Variants in PIK3R5 observed in about 807,000 individuals in gnomAD.
The protein encoded by PIK3R5 is phosphoinositide 3-kinase regulatory subunit 5.
PIK3R5 carries 32 observed loss-of-function variants against 94.9 expected under a neutral mutation model. The observed-to-expected ratio is 0.34, with a 90% CI of 0.25 to 0.45. The LOEUF (loss-of-function observed/expected upper bound fraction) is 0.45. Among genes scored for constraint, PIK3R5 ranks in the 20% least tolerant of loss-of-function variants. The probability of loss-of-function intolerance (pLI) is 1.00; values close to 1 mark genes in which losing one functional copy is unlikely to be tolerated. For missense variants in PIK3R5, 853 were observed against 1,144.6 expected, an observed-to-expected ratio of 0.75 and a Z score of 3.68; for synonymous variants, 443 against 479.4, an observed-to-expected ratio of 0.92 and a Z score of 0.99.
At chr17:8,922,782 G>A (rs914751401) in intron 1 of PIK3R5, among the ~76,000 whole-genome samples, 8 of 152,062 alleles carry the variant, frequency 5.3e-5, no homozygotes, top group African/African-American at 7.2e-5. Context: ...CAGCAGTGAC[G>A]GTAGCTAGTG....
At chr17:8,886,960 A>G in intron 12 of PIK3R5, 136 bp downstream of exon 12, 1 of 1,013,366 alleles carries the variant, frequency 9.9e-7, no homozygotes, top group Non-Finnish European at 1.4e-6. Context: ...TCTCACCCAC[A>G]CTCCCTGATC....
At chr17:8,899,770 T>A (rs2090236782) in intron 5 of PIK3R5, among the ~76,000 whole-genome samples, 1 of 152,188 alleles carries the variant, frequency 6.6e-6, no homozygotes, top group African/African-American at 2.4e-5. Flanking sequence ...CTGGGCGCGG[T>A]GGCTCATGCT....
chr17:8,880,286 A>G lies in PIK3R5; in HGVS notation c.*353T>C. 5.1e-6 allele frequency: 1 copy of G among 195,794 alleles called. No individual in the cohort carries two copies. The highest frequency in any genetic ancestry group is 1.0e-5 in the Non-Finnish European group (1 of 97,666). 12.1% of individuals were successfully genotyped at this position (195,794 alleles called of 1,614,324 possible). On this transcript the variant is annotated 3_prime_UTR_variant, in exon 19 of 19. Transcript: ENST00000447110. ...TAGGCTCAGCCAAGGTTGAGAGAAAAGGCCCAAGCCATCCCCCTGAGCACC... is the reference window on the plus strand; with the variant it reads ...TAGGCTCAGCCAAGGTTGAGAGAAAGGGCCCAAGCCATCCCCCTGAGCACC...
At chr17:8,933,036 T>C (rs78608853) in intron 1 of PIK3R5, among the ~76,000 whole-genome samples, 1 of 152,230 alleles carries the variant, frequency 6.6e-6, no homozygotes, top group African/African-American at 2.4e-5. Flanking sequence ...CGAGAAAAAC[T>C]ACTGACTTCT....
intron 4 of PIK3R5, among the ~76,000 whole-genome samples, chr17:8,905,394 A>G (rs1451663064): frequency 7.9e-6 from 1 of 127,352 alleles, no homozygotes; most frequent in Non-Finnish European, 1.7e-5. Context: ...TGAGGTGGAC[A>G]TAGAATATCT....
intron 1 of PIK3R5, among the ~76,000 whole-genome samples, chr17:8,964,032 G>A (rs72807992): frequency 0.079 from 11,985 of 152,148 alleles, 610 homozygotes; most frequent in Middle Eastern, 0.12. Context: ...GGAAGCCAGC[G>A]TTCTACAAAC....
intron 1 of PIK3R5, among the ~76,000 whole-genome samples, chr17:8,933,795 G>T (rs1863551314): frequency 6.6e-6 from 1 of 152,074 alleles, no homozygotes; most frequent in South Asian, 2.1e-4. Context: ...GAAAGTCATT[G>T]TACTGAAAGT....
intron 1 of PIK3R5, among the ~76,000 whole-genome samples, chr17:8,918,799 G>C (rs1459892846): frequency 2.0e-5 from 3 of 152,184 alleles, no homozygotes; most frequent in Non-Finnish European, 4.4e-5. Flanking sequence ...TTAACCATAT[G>C]ATCAAGGTTA....
chr17:8,894,698 A>T (rs1370902659), intron 5 of PIK3R5, among the ~76,000 whole-genome samples: 2 of 152,196 alleles, frequency 1.3e-5, no homozygotes, highest in Non-Finnish European at 2.9e-5. Context: ...GAGATGAAAC[A>T]GAAAGCGGGA....
chr17:8,896,897 C>G lies in PIK3R5; in HGVS notation c.413-3242G>C, dbSNP rs2090163222. Among the ~76,000 whole-genome samples the G allele has an allele frequency of 6.6e-6, 1 of 152,190 alleles. No homozygotes were observed. The highest frequency in any genetic ancestry group is 2.1e-4 in the South Asian group (1 of 4,828). ...AACAGGGTGGAAGCAGAGCCCGGCC[C>G]CAACGGCATTGCAATCTCCAAATGA... On this transcript the variant is annotated intron_variant, in intron 5 of 18. Transcript: ENST00000447110. The surrounding 1 kb of genome is among the most constrained non-coding windows in gnomAD (Gnocchi z 4.0).
chr17:8,899,281 A>G (rs1436739460), intron 5 of PIK3R5, among the ~76,000 whole-genome samples: 1 of 152,176 alleles, frequency 6.6e-6, no homozygotes, highest in Non-Finnish European at 1.5e-5. Flanking sequence ...CAGCCACATC[A>G]AAGCAGGATA....
At chr17:8,942,425 C>T (rs941882893) in intron 1 of PIK3R5, among the ~76,000 whole-genome samples, 2 of 152,128 alleles carry the variant, frequency 1.3e-5, no homozygotes, top group African/African-American at 4.8e-5. Flanking sequence ...TCACCCATTC[C>T]TGCCACCTCA....
Position 8,880,794 on chromosome 17 carries a change from G to T in PIK3R5, c.2496-8C>A, listed in dbSNP as rs1445704506. On this transcript the variant is annotated splice_polypyrimidine_tract_variant and splice_region_variant and intron_variant, in intron 18 of 18. Transcript: ENST00000447110. ...CACGGTGAGACCTCACATCTGTGCA[G>T]CAGGGCAGGGGCCAGGGATCAGAGC... The T allele has an allele frequency of 6.2e-7, 1 of 1,613,048 alleles. No individual in the cohort carries two copies. Among genetic ancestry groups the T allele is most frequent in the Non-Finnish European group, 8.5e-7 (1 of 1,179,294 alleles).
Position 8,927,252 on chromosome 17 carries a change from T to C in PIK3R5, c.-13-15745A>G, listed in dbSNP as rs546291145. Reference sequence around the variant, plus strand: ...GGCAACTTAGCAAGACAGACACTTTTAGACAATACCTGCTCTATTCCAGCC... The same window carrying C: ...GGCAACTTAGCAAGACAGACACTTTCAGACAATACCTGCTCTATTCCAGCC... On this transcript the variant is annotated intron_variant, in intron 1 of 18. Coordinates refer to ENST00000447110, the MANE Select transcript of PIK3R5 (RefSeq NM_001142633.3). 2.0e-5 allele frequency among the ~76,000 whole-genome samples: 3 copies of C among 152,342 alleles called. No individual in the cohort carries two copies. The South Asian group carries it at 6.2e-4, about 32-fold the overall frequency.
At chr17:8,939,670 T>C (rs919339062) in intron 1 of PIK3R5, among the ~76,000 whole-genome samples, 5 of 152,188 alleles carry the variant, frequency 3.3e-5, no homozygotes, top group Non-Finnish European at 7.4e-5. Flanking sequence ...TACGTTCAAA[T>C]GCGAACTTCA....
At chr17:8,927,921 C>A (rs911373553) in intron 1 of PIK3R5, among the ~76,000 whole-genome samples, 7 of 152,160 alleles carry the variant, frequency 4.6e-5, no homozygotes, top group Non-Finnish European at 1.0e-4. Context: ...ACCCAGTTTC[C>A]CACCATGTGA....
rs201299435 is a variant in PIK3R5 at position 8,881,806 on chromosome 17, G to C, written c.2281C>G (p.Arg761Gly). Residue 761 changes from arginine (R) to glycine (G), a missense_variant, in exon 16 of 19, where the codon CGG (arginine) becomes GGG (glycine). Transcript: ENST00000447110. This position sits in a 1 kb window ranked among gnomAD's most constrained non-coding sequence, Gnocchi z 4.8. ...CACTCACCCAGCTCCTCCTGCTTCC[G>C]GCAGGCCTTGTTGAGGTTCACGGAG... ...CTSVNLNKACRKQEELDSSME... is the reference protein window; with the variant it reads ...CTSVNLNKACGKQEELDSSME... 6.2e-7 allele frequency: 1 copy of C among 1,614,014 alleles called. No individual in the cohort carries two copies. Among genetic ancestry groups the C allele is most frequent in the South Asian group, 1.1e-5 (1 of 91,058 alleles).
chr17:8,883,480 C>G (rs61761121), intron 15 of PIK3R5, among the ~76,000 whole-genome samples: 122 of 152,380 alleles, frequency 8.0e-4, no homozygotes, highest in African/African-American at 2.9e-3. Flanking sequence ...CCAGCTGTCT[C>G]TGCTCCAGCC....
chr17:8,946,053 C>T (rs959672076), intron 1 of PIK3R5, among the ~76,000 whole-genome samples: 15 of 152,214 alleles, frequency 9.9e-5, no homozygotes, highest in African/African-American at 3.1e-4. Context: ...TCACTGAACA[C>T]AGGCAAGTCA....
Sources: gnomAD v4.1 joint callset for allele counts (sites outside exome capture counted in the v4.1 genomes callset) on GRCh38, gnomAD v4.1.1 for gene constraint, Gnocchi (gnomAD v3.1) non-coding constraint, MANE v1.5 for transcripts, NCBI Gene and HGNC (gene_info 2026-07-23, HGNC 2026-07-21) for gene names.